Variants in MAST4 observed in about 807,000 individuals in gnomAD.
MAST4 encodes microtubule associated serine/threonine kinase family member 4, also known as microtubule-associated serine/threonine-protein kinase 4.
MAST4 carries 89 observed loss-of-function variants against 162.7 expected under a neutral mutation model. The ratio of observed to expected loss-of-function variants is 0.55; its 90% CI spans 0.46 to 0.65. The LOEUF is 0.65. Among genes scored for constraint, MAST4 ranks in the 30% least tolerant of loss-of-function variants. The pLI is 0.00. For missense variants in MAST4, 3,153 were observed against 3,374.0 expected, an observed-to-expected ratio of 0.93 and a Z score of 1.62; for synonymous variants, 1,479 against 1,361.1, an observed-to-expected ratio of 1.09 and a Z score of -1.91.
In MAST4 at chr5:66,802,456, T is replaced by G. The variant is rs1361957769; in HGVS notation, c.642+13662T>G. On this transcript the variant is annotated intron_variant, in intron 3 of 28. Transcript: ENST00000403625. The stretch of plus-strand genomic sequence containing the variant: ...CTTAGTGTTCTTAGTCTACCCTCTA[T>G]TACAGTTCTTAAAAAAACTATAGCA... Among the ~76,000 whole-genome samples the G allele has an allele frequency of 2.6e-5, 4 of 152,160 alleles. 1 individual carries two copies. The highest frequency in any genetic ancestry group is 5.9e-5 in the Non-Finnish European group (4 of 68,022).
At chr5:66,900,041 G>C in intron 4 of MAST4, 59 bp downstream of exon 4, 2 of 1,190,018 alleles carry the variant, frequency 1.7e-6, no homozygotes, top group Non-Finnish European at 1.1e-6. Flanking sequence ...TTTATAGTAT[G>C]ATTCTTCTCT....
At chr5:66,858,384 A>T (rs1759841612) in intron 3 of MAST4, among the ~76,000 whole-genome samples, 1 of 152,000 alleles carries the variant, frequency 6.6e-6, no homozygotes, top group African/African-American at 2.4e-5. Context: ...TGAGGTATGG[A>T]TCAAATTTAT....
chr5:66,728,325 C>G (rs1751644016), intron 1 of MAST4, among the ~76,000 whole-genome samples: 2 of 152,018 alleles, frequency 1.3e-5, no homozygotes, highest in Admixed American at 1.3e-4. Flanking sequence ...AATAAAAATG[C>G]ATTTGAATTC....
intron 4 of MAST4, among the ~76,000 whole-genome samples, chr5:66,977,525 G>C (rs1748303512): frequency 6.6e-6 from 1 of 152,078 alleles, no homozygotes; most frequent in Admixed American, 6.5e-5. Context: ...ACACATTTGG[G>C]GGGAAAAGAA....
chr5:67,090,704 A>C (rs1763768220), intron 6 of MAST4, among the ~76,000 whole-genome samples: 1 of 151,560 alleles, frequency 6.6e-6, no homozygotes, highest in Non-Finnish European at 1.5e-5. Flanking sequence ...GCCGTCAAAG[A>C]TAGATGTCTC....
At chr5:66,825,261 GACACACACACACACACAC>G (rs56076405) in intron 3 of MAST4, among the ~76,000 whole-genome samples, 126 of 135,648 alleles carry the variant, frequency 9.3e-4, no homozygotes, top group African/African-American at 1.5e-3. Flanking sequence ...TAAAAACTAA[GACACACACACACACACAC>G]ACACACACAC....
intron 4 of MAST4, among the ~76,000 whole-genome samples, chr5:66,950,483 A>T (rs977941407): frequency 2.6e-5 from 4 of 152,066 alleles, no homozygotes; most frequent in Admixed American, 2.0e-4. Flanking sequence ...GAATTTGACT[A>T]CTATAGACAA....
At chr5:66,632,152 G>T (rs926801819) in intron 1 of MAST4, among the ~76,000 whole-genome samples, 5 of 152,166 alleles carry the variant, frequency 3.3e-5, no homozygotes, top group African/African-American at 1.2e-4. Flanking sequence ...ATATGTTGGA[G>T]TCCGAAGCCC....
intron 1 of MAST4, among the ~76,000 whole-genome samples, chr5:66,755,824 G>C (rs528934177): frequency 6.6e-6 from 1 of 152,250 alleles, no homozygotes; most frequent in Admixed American, 6.5e-5. Context: ...ACAGTACATT[G>C]CTATTAAATG....
intron 2 of MAST4, among the ~76,000 whole-genome samples, chr5:66,766,349 G>A (rs927678094): frequency 2.6e-5 from 4 of 152,110 alleles, no homozygotes; most frequent in Non-Finnish European, 4.4e-5. Flanking sequence ...TGTATAACAT[G>A]CACATAATAA....
intron 4 of MAST4, among the ~76,000 whole-genome samples, chr5:67,030,156 G>A (rs1385489177): frequency 1.3e-5 from 2 of 151,958 alleles, no homozygotes; most frequent in Non-Finnish European, 2.9e-5. Context: ...TAAATATTTT[G>A]TATACATATG....
At chr5:67,023,347 T>C (rs1754227759) in intron 4 of MAST4, among the ~76,000 whole-genome samples, 1 of 152,184 alleles carries the variant, frequency 6.6e-6, no homozygotes, top group Admixed American at 6.6e-5. Context: ...TCTAGCAATC[T>C]AGAGTCTGTG....
At chr5:67,095,957 G>A (rs1280177001) in intron 7 of MAST4, among the ~76,000 whole-genome samples, 4 of 151,598 alleles carry the variant, frequency 2.6e-5, no homozygotes, top group Non-Finnish European at 1.5e-5. Flanking sequence ...GGTGTAGTTC[G>A]GGGGGAAAAA....
At chr5:67,022,587 C>A (rs1029509673) in intron 4 of MAST4, among the ~76,000 whole-genome samples, 1 of 152,044 alleles carries the variant, frequency 6.6e-6, no homozygotes, top group African/African-American at 2.4e-5. Context: ...TTTATAGGGG[C>A]AAAGAACTTC....
In MAST4 at chr5:67,017,311, A is replaced by G. The variant is rs1001871637; in HGVS notation, c.675-37093A>G. On this transcript the variant is annotated intron_variant, in intron 4 of 28. Transcript: ENST00000403625. ...GAGGAATAGCTGCCCCTACCTAAGG[A>G]CGGAATGAAAGAAGTCTTCCCTTTA... 3.3e-5 allele frequency among the ~76,000 whole-genome samples: 5 copies of G among 152,300 alleles called. No homozygotes were observed. The Middle Eastern group carries it at 0.01, about 311-fold the overall frequency.
intron 3 of MAST4, among the ~76,000 whole-genome samples, chr5:66,837,885 TATATA>T (rs1758107700): frequency 4.3e-5 from 2 of 46,464 alleles, no homozygotes; most frequent in African/African-American, 2.4e-4. Flanking sequence ...TATATATATA[TATATA>T]TATATTTTTT....
At chr5:66,749,266 G>T (rs1009159101) in intron 1 of MAST4, among the ~76,000 whole-genome samples, 3 of 152,058 alleles carry the variant, frequency 2.0e-5, no homozygotes, top group Non-Finnish European at 2.9e-5. Flanking sequence ...GAGGTAGCTT[G>T]CCCAGGACAT....
intron 14 of MAST4, 66 bp from the exon 15 acceptor site, chr5:67,130,144 C>G: frequency 7.0e-7 from 1 of 1,426,854 alleles, no homozygotes; most frequent in East Asian, 2.5e-5. Flanking sequence ...ATATGGTTTA[C>G]TGTATCCCCA....
chr5:67,059,254 C>G (rs983007278), intron 5 of MAST4, among the ~76,000 whole-genome samples: 1 of 152,194 alleles, frequency 6.6e-6, no homozygotes, highest in Non-Finnish European at 1.5e-5. Context: ...TCAAATCTGA[C>G]TGCTGCTCCT....
Sources: allele counts gnomAD v4.1 joint callset (sites outside exome capture counted in the v4.1 genomes callset), GRCh38; gene constraint gnomAD v4.1.1; transcripts MANE v1.5; gene names NCBI Gene and HGNC (gene_info 2026-07-23, HGNC 2026-07-21).